ZNF471: variants seen among roughly 807,000 people sequenced by gnomAD.
ZNF471 encodes the protein zinc finger protein 471.
ZNF471 carries 7 observed loss-of-function variants against 13.7 expected under a neutral mutation model. That is an observed-to-expected ratio of 0.51 (90% CI 0.29 to 0.96). The LOEUF is 0.96. Among genes scored for constraint, ZNF471 ranks in the 40% least tolerant of loss-of-function variants. The pLI, the probability that ZNF471 is intolerant of heterozygous loss-of-function variation, is 0.08. For synonymous variants in ZNF471, 218 were observed against 235.6 expected, an observed-to-expected ratio of 0.93 and a Z score of 0.68; for missense variants, 663 against 743.3, an observed-to-expected ratio of 0.89 and a Z score of 1.26.
chr19:56,530,127 C>G lies in ZNF471; in HGVS notation c.*4179C>G, dbSNP rs1206114344. On this transcript the variant is annotated 3_prime_UTR_variant, in exon 5 of 5. Coordinates refer to ENST00000308031, the MANE Select transcript of ZNF471 (RefSeq NM_020813.4). ...GAGATGGATCTCTACTCAAAGATGT[C>G]TTGCAGTTTATGAACTGAGATGTAA... 1 of 152,184 alleles carries G rather than the reference C, an allele frequency of 6.6e-6. No homozygotes were observed. The highest frequency in any genetic ancestry group is 1.5e-5 in the Non-Finnish European group (1 of 68,042). 9.4% of individuals were successfully genotyped at this position (152,184 alleles called of 1,614,324 possible).
rs2044026312 is a variant in ZNF471, at chr19:56,525,080, G to C, written c.1013G>C (p.Arg338Thr). 5.0e-6 allele frequency: 8 copies of C among 1,613,878 alleles called. No individual in the cohort carries two copies. The highest frequency in any genetic ancestry group is 1.3e-5 in the African/African-American group (1 of 74,900). ...SDGSSFARHQ[R>T]CHTGKRPYEC... Reference sequence around the variant, plus strand: ...GGCTCGTCTTTTGCTCGACATCAGAGATGTCACACTGGCAAAAGACCCTAT... The same window carrying C: ...GGCTCGTCTTTTGCTCGACATCAGACATGTCACACTGGCAAAAGACCCTAT... Residue 338 changes from arginine (R) to threonine (T), a missense_variant, in exon 5 of 5, where the codon AGA (arginine) becomes ACA (threonine). By Grantham distance (71) the Arg-to-Thr change is moderately conservative. Transcript: ENST00000308031.
In ZNF471 at chr19:56,529,011, G is replaced by T. The variant is rs546834498; in HGVS notation, c.*3063G>T. On this transcript the variant is annotated 3_prime_UTR_variant, in exon 5 of 5. Coordinates refer to ENST00000308031, the MANE Select transcript of ZNF471 (RefSeq NM_020813.4). ...CCAAGGGGAAAGAAATGAAATTATA[G>T]GTGAGTTTACTTAGTTATATACAAA... 6.6e-6 allele frequency: 1 copy of T among 152,272 alleles called. No individual in the cohort carries two copies. Among genetic ancestry groups the T allele is most frequent in the East Asian group, 1.9e-4 (1 of 5,186 alleles). The allele number at this position is 152,272 out of a possible 1,614,324, so 9.4% of individuals were successfully genotyped here. A position where few individuals can be genotyped will look rare whatever the true frequency, so the allele number is the denominator to read the frequency against.
In ZNF471 at chr19:56,525,486, C is replaced by A. The variant is rs771272067; in HGVS notation, c.1419C>A (p.His473Gln). ...ECGKAFRQNV[H>Q]LVSHLRIHTG... ...GGAAAGCCTTTAGGCAGAATGTACACCTTGTTAGTCATTTGAGAATTCATA... is the reference window on the plus strand; with the variant it reads ...GGAAAGCCTTTAGGCAGAATGTACAACTTGTTAGTCATTTGAGAATTCATA... Residue 473 changes from histidine (H) to glutamine (Q), a missense_variant, in exon 5 of 5, where the codon CAC becomes CAA. Transcript: ENST00000308031. 1 of 1,614,006 alleles carries A rather than the reference C, an allele frequency of 6.2e-7. No homozygotes were observed. Among genetic ancestry groups the A allele is most frequent in the Non-Finnish European group, 8.5e-7 (1 of 1,180,014 alleles).
intron 2 of ZNF471, among the ~76,000 whole-genome samples, chr19:56,515,775 A>G (rs994165324): frequency 2.0e-5 from 3 of 152,178 alleles, no homozygotes; most frequent in Non-Finnish European, 4.4e-5. Flanking sequence ...TATAACTTCA[A>G]TTTCATTTTG....
chr19:56,517,197 A>G (rs2043901274), intron 3 of ZNF471, among the ~76,000 whole-genome samples: 1 of 143,094 alleles, frequency 7.0e-6, no homozygotes. Flanking sequence ...GCTGGAGGGC[A>G]GTGGCGCAAT....
rs1473462366 is a variant in ZNF471, at chr19:56,530,209, A to T, written c.*4261A>T. On this transcript the variant is annotated 3_prime_UTR_variant, in exon 5 of 5. Transcript: ENST00000308031. ...ACTACATAAACTTTATAAAGCTTAA[A>T]AAATGCATTCATAGTATCTTATTTG... The T allele has an allele frequency of 6.7e-6, 1 of 149,166 alleles. No individual in the cohort carries two copies. Among genetic ancestry groups the T allele is most frequent in the African/African-American group, 2.5e-5 (1 of 40,334 alleles). 9.2% of individuals were successfully genotyped at this position (149,166 alleles called of 1,614,324 possible). A position where few individuals can be genotyped will look rare whatever the true frequency, so the allele number is the denominator to read the frequency against.
chr19:56,509,751 G>A, intron 1 of ZNF471: 1 of 305,282 alleles, frequency 3.3e-6, no homozygotes, highest in Non-Finnish European at 4.7e-6. Context: ...GTGTGTGTGT[G>A]TGTAGATCCC....
chr19:56,524,953 A>G lies in ZNF471; in HGVS notation c.886A>G (p.Arg296Gly). 1.9e-6 allele frequency: 3 copies of G among 1,614,158 alleles called. No individual in the cohort carries two copies. Among genetic ancestry groups the G allele is most frequent in the Non-Finnish European group, 2.5e-6 (3 of 1,180,034 alleles). ...AAAACCATATAAATGTAAGGAATGC[A>G]GAAAAGCCTTCAGACAGCCTGCACA... is the stretch of plus-strand genomic sequence containing the variant. ...GEKPYKCKEC[R>G]KAFRQPAHLA... The change falls in exon 5 of 5, where the codon AGA becomes GGA. Residue 296 changes from arginine to glycine, a missense_variant. Coordinates refer to ENST00000308031, the MANE Select transcript of ZNF471 (RefSeq NM_020813.4). This position sits in a 1 kb window ranked among gnomAD's most constrained non-coding sequence, Gnocchi z 4.8.
rs186131104 is a variant in ZNF471, at chr19:56,512,860, T to C, written c.33+1256T>C. Among the ~76,000 whole-genome samples, 32 of 152,336 alleles carry C rather than the reference T, an allele frequency of 2.1e-4. No homozygotes were observed. In the East Asian group the frequency reaches 5.0e-3, roughly 24 times the overall value. On this transcript the variant is annotated intron_variant, in intron 2 of 4. Coordinates refer to ENST00000308031, the MANE Select transcript of ZNF471 (RefSeq NM_020813.4). ...ATTAATGCTTAATTAATTTATATGC[T>C]TCATATGGAAAGTTACGTTAAATTA...
At chr19:56,515,356 A>G (rs970385708) in intron 2 of ZNF471, among the ~76,000 whole-genome samples, 14 of 152,064 alleles carry the variant, frequency 9.2e-5, no homozygotes, top group African/African-American at 3.1e-4. Flanking sequence ...TCAACTCACT[A>G]GAAGGTGAAA....
rs2043796041 is a variant in ZNF471, at chr19:56,510,561, C to T, written c.-55-956C>T. 2.0e-6 allele frequency: 2 copies of T among 985,544 alleles called. No homozygotes were observed. Among genetic ancestry groups the T allele is most frequent in the Non-Finnish European group, 2.4e-6 (2 of 830,004 alleles). 61.0% of individuals were successfully genotyped at this position (985,544 alleles called of 1,614,324 possible). On this transcript the variant is annotated intron_variant, in intron 1 of 4. Coordinates refer to ENST00000308031, the MANE Select transcript of ZNF471 (RefSeq NM_020813.4). The surrounding 1 kb of genome is among the most constrained non-coding windows in gnomAD (Gnocchi z 4.3). ...TCACCACGTGTGCTTATATTCATGT[C>T]CTCAGGCAATGGAAATGTGACTGTG...
Position 56,528,893 on chromosome 19 carries a change from A to G in ZNF471, c.*2945A>G, listed in dbSNP as rs2044078195. 1.3e-5 allele frequency: 2 copies of G among 152,002 alleles called. No individual in the cohort carries two copies. Among genetic ancestry groups the G allele is most frequent in the South Asian group, 4.2e-4 (2 of 4,762 alleles). 9.4% of individuals were successfully genotyped at this position (152,002 alleles called of 1,614,324 possible). A position where few individuals can be genotyped will look rare whatever the true frequency, so the allele number is the denominator to read the frequency against. On this transcript the variant is annotated 3_prime_UTR_variant, in exon 5 of 5. Transcript: ENST00000308031. ...CTAACCTTCCAAGTAAAGTTGTTCCACTAGTAAAGTTGTTCTGGAGTATAT... is the reference window on the plus strand; with the variant it reads ...CTAACCTTCCAAGTAAAGTTGTTCCGCTAGTAAAGTTGTTCTGGAGTATAT...
At chr19:56,511,626 C>G in intron 2 of ZNF471, 22 bp downstream of exon 2, 1 of 1,590,132 alleles carries the variant, frequency 6.3e-7, no homozygotes, top group East Asian at 2.2e-5. Flanking sequence ...TTTTCTTTCT[C>G]TTCATGAAAG....
Position 56,507,895 on chromosome 19 carries a change from C to T in ZNF471, c.-81C>T. 1.0e-6 allele frequency: 1 copy of T among 985,604 alleles called. No homozygotes were observed. The highest frequency in any genetic ancestry group is 1.2e-6 in the Non-Finnish European group (1 of 830,032). The allele number at this position is 985,604 out of a possible 1,614,324, so 61.1% of individuals were successfully genotyped here. A position where few individuals can be genotyped will look rare whatever the true frequency, so the allele number is the denominator to read the frequency against. On this transcript the variant is annotated 5_prime_UTR_variant, in exon 1 of 5. Coordinates refer to ENST00000308031, the MANE Select transcript of ZNF471 (RefSeq NM_020813.4). Reference sequence around the variant, plus strand: ...ACTCACGGAGTCCTTCGGATGAGAGCGTCTGGGTGCCAGACGAGGCCGGGG... The same window carrying T: ...ACTCACGGAGTCCTTCGGATGAGAGTGTCTGGGTGCCAGACGAGGCCGGGG...
At position 56,510,450 on chromosome 19, in the gene ZNF471, A is replaced by G; in HGVS notation, c.-55-1067A>G. 1 of 985,748 alleles carries G rather than the reference A, an allele frequency of 1.0e-6. No individual in the cohort carries two copies. The highest frequency in any genetic ancestry group is 1.2e-6 in the Non-Finnish European group (1 of 829,998). The allele number at this position is 985,748 out of a possible 1,614,324, so 61.1% of individuals were successfully genotyped here. A position where few individuals can be genotyped will look rare whatever the true frequency, so the allele number is the denominator to read the frequency against. ...ACCTCTGTGAGGTTGTGAAGCATGC[A>G]TGTGTGAGTGAGACAGAGATAAGGG... On this transcript the variant is annotated intron_variant, in intron 1 of 4. Coordinates refer to ENST00000308031, the MANE Select transcript of ZNF471 (RefSeq NM_020813.4). The surrounding 1 kb of genome is among the most constrained non-coding windows in gnomAD (Gnocchi z 4.3).
Position 56,528,716 on chromosome 19 carries a change from C to G in ZNF471, c.*2768C>G, listed in dbSNP as rs1187703583. 1 of 151,926 alleles carries G rather than the reference C, an allele frequency of 6.6e-6. No individual in the cohort carries two copies. Among genetic ancestry groups the G allele is most frequent in the Non-Finnish European group, 1.5e-5 (1 of 68,004 alleles). The allele number at this position is 151,926 out of a possible 1,614,324, so 9.4% of individuals were successfully genotyped here. ...TGTTTTAAGAAGTGGCTATATAGCT[C>G]TGGATAAAACGAACAAAAGAATTAG... On this transcript the variant is annotated 3_prime_UTR_variant, in exon 5 of 5. Coordinates refer to ENST00000308031, the MANE Select transcript of ZNF471 (RefSeq NM_020813.4).
Position 56,516,267 on chromosome 19 carries a change from C to A in ZNF471, c.34-8C>A. 6.2e-7 allele frequency: 1 copy of A among 1,612,130 alleles called. No individual in the cohort carries two copies. Among genetic ancestry groups the A allele is most frequent in the South Asian group, 1.1e-5 (1 of 90,834 alleles). ...ATTGGTTGGTTAAGAATATATTTGT[C>A]ACTTCAGGACTTAGTGACATTCAAG... is the stretch of plus-strand genomic sequence containing the variant. On this transcript the variant is annotated splice_region_variant and splice_polypyrimidine_tract_variant and intron_variant, in intron 2 of 4. Transcript: ENST00000308031. The surrounding 1 kb of genome is among the most constrained non-coding windows in gnomAD (Gnocchi z 4.4).
At chr19:56,514,059 ATTTT>A (rs57705988) in intron 2 of ZNF471, among the ~76,000 whole-genome samples, 4,396 of 116,664 alleles carry the variant, frequency 0.038, 60 homozygotes, top group East Asian at 0.1. Flanking sequence ...TAACTTTTTA[ATTTT>A]TTTTTTTTTT....
rs1237675368 is a variant in ZNF471 at position 56,522,532 on chromosome 19, A to T, written c.257-1792A>T. Among the ~76,000 whole-genome samples, 5 of 152,196 alleles carry T rather than the reference A, an allele frequency of 3.3e-5. No individual in the cohort carries two copies. Among genetic ancestry groups the T allele is most frequent in the African/African-American group, 7.2e-5 (3 of 41,438 alleles). ...CATAATGTATAATTGCTTAGGAAAT[A>T]TTGGATTAGTCGATGATTTGCTATG... On this transcript the variant is annotated intron_variant, in intron 4 of 4. Transcript: ENST00000308031. This position sits in a 1 kb window ranked among gnomAD's most constrained non-coding sequence, Gnocchi z 4.1.
Sources: gnomAD v4.1 joint callset for allele counts (sites outside exome capture counted in the v4.1 genomes callset) on GRCh38, gnomAD v4.1.1 for gene constraint, Gnocchi (gnomAD v3.1) non-coding constraint, MANE v1.5 for transcripts, NCBI Gene and HGNC (gene_info 2026-07-23, HGNC 2026-07-21) for gene names.